The following LRRTM4 variants were observed in gnomAD, a reference collection of about 807,000 sequenced individuals.
LRRTM4 encodes the protein leucine-rich repeat transmembrane neuronal protein 4.
In LRRTM4, 25 loss-of-function variants were observed where a neutral mutation model predicts 47.6. The ratio of observed to expected loss-of-function variants is 0.53; its 90% CI spans 0.38 to 0.73. LRRTM4 has a LOEUF of 0.73. Ranked by LOEUF, LRRTM4 falls within the 30% of genes least tolerant of loss-of-function variation. The pLI is 0.00. For missense variants in LRRTM4, 638 were observed against 713.4 expected (o/e 0.89, Z 1.20); for synonymous variants, 311 against 269.5 (o/e 1.15, Z -1.51).
At chr2:77,473,171 T>A (rs1677256122) in intron 3 of LRRTM4, among the ~76,000 whole-genome samples, 1 of 152,156 alleles carries the variant, frequency 6.6e-6, no homozygotes, top group Non-Finnish European at 1.5e-5. Context: ...CCCGTCTTCC[T>A]GGATTGTCTG....
intron 3 of LRRTM4, among the ~76,000 whole-genome samples, chr2:76,846,839 A>G (rs1302663417): frequency 6.6e-6 from 1 of 152,174 alleles, no homozygotes; most frequent in Non-Finnish European, 1.5e-5. Flanking sequence ...ATAGCCCATT[A>G]TCTGGTAAGA....
chr2:76,859,139 A>G (rs1377189588), intron 3 of LRRTM4, among the ~76,000 whole-genome samples: 3 of 152,314 alleles, frequency 2.0e-5, no homozygotes, highest in Non-Finnish European at 2.9e-5. Context: ...AAAATACCAT[A>G]AAGTAGAAAG....
intron 3 of LRRTM4, among the ~76,000 whole-genome samples, chr2:77,000,341 C>T (rs960560362): frequency 1.3e-5 from 2 of 151,548 alleles, no homozygotes; most frequent in African/African-American, 4.8e-5. Context: ...ATTGTGTGGT[C>T]TTCTCCATTA....
chr2:77,183,267 G>C (rs1673401452), intron 3 of LRRTM4, among the ~76,000 whole-genome samples: 3 of 152,236 alleles, frequency 2.0e-5, no homozygotes, highest in Admixed American at 2.0e-4. Context: ...AAACGTGGGT[G>C]AAGGATATGA....
intron 3 of LRRTM4, among the ~76,000 whole-genome samples, chr2:76,807,717 G>C (rs1018643517): frequency 4.0e-5 from 6 of 149,988 alleles, no homozygotes; most frequent in Admixed American, 1.3e-4. Context: ...TCAGCCTCCC[G>C]AGTAGTTGGG....
chr2:77,152,212 T>A (rs943110707), intron 3 of LRRTM4, among the ~76,000 whole-genome samples: 2 of 152,354 alleles, frequency 1.3e-5, no homozygotes, highest in African/African-American at 4.8e-5. Context: ...GTGTGGGGCC[T>A]GCCATTTGAC....
chr2:77,089,164 C>T (rs981374375), intron 3 of LRRTM4, among the ~76,000 whole-genome samples: 1 of 151,974 alleles, frequency 6.6e-6, no homozygotes, highest in African/African-American at 2.4e-5. Flanking sequence ...GGCAAATACC[C>T]CAACCCCTTC....
rs901171780 is a variant in LRRTM4, at chr2:77,412,895, A to G, written c.1551+105423T>C. ...TCAGTTTTTTTAGTAGTAAGAGGGA[A>G]AAAATAATGCTCATTCTACTCTACA... is the stretch of plus-strand genomic sequence containing the variant. On this transcript the variant is annotated intron_variant, in intron 3 of 3. Coordinates refer to ENST00000409884, the MANE Select transcript of LRRTM4 (RefSeq NM_001134745.3). Among the ~76,000 whole-genome samples, 5 of 152,280 alleles carry G rather than the reference A, an allele frequency of 3.3e-5. No homozygotes were observed. The East Asian group carries it at 9.7e-4, about 29-fold the overall frequency.
intron 3 of LRRTM4, among the ~76,000 whole-genome samples, chr2:77,247,957 A>G (rs1358522958): frequency 1.3e-5 from 2 of 150,310 alleles, no homozygotes; most frequent in Non-Finnish European, 3.0e-5. Context: ...TATTATTAGT[A>G]TATCATTTTA....
intron 3 of LRRTM4, among the ~76,000 whole-genome samples, chr2:77,245,698 CA>C (rs1415616306): frequency 1.8e-4 from 27 of 151,912 alleles, no homozygotes; most frequent in Admixed American, 1.8e-3. Flanking sequence ...AACTAGCTCT[CA>C]ATCTAGCTTA....
intron 3 of LRRTM4, among the ~76,000 whole-genome samples, chr2:77,258,907 C>T (rs955100535): frequency 1.3e-5 from 2 of 151,356 alleles, no homozygotes; most frequent in African/African-American, 4.8e-5. Flanking sequence ...TAAAACAAAA[C>T]AAAAACAAAA....
intron 3 of LRRTM4, among the ~76,000 whole-genome samples, chr2:77,226,359 T>C (rs947820804): frequency 2.6e-5 from 4 of 151,654 alleles, no homozygotes; most frequent in African/African-American, 7.2e-5. Context: ...TTCTATTCTT[T>C]TTTACATATA....
At chr2:77,138,103 T>A (rs1418617161) in intron 3 of LRRTM4, among the ~76,000 whole-genome samples, 1 of 152,096 alleles carries the variant, frequency 6.6e-6, no homozygotes, top group Non-Finnish European at 1.5e-5. Flanking sequence ...AGGAATTGAA[T>A]TCAGCTCTGC....
intron 3 of LRRTM4, among the ~76,000 whole-genome samples, chr2:76,816,597 A>G (rs1293134429): frequency 6.6e-6 from 1 of 151,808 alleles, no homozygotes; most frequent in Non-Finnish European, 1.5e-5. Flanking sequence ...ATTTTTAAAA[A>G]AGACTCCAAT....
intron 3 of LRRTM4, among the ~76,000 whole-genome samples, chr2:77,378,156 A>T (rs1672908055): frequency 1.3e-5 from 2 of 151,992 alleles, no homozygotes; most frequent in South Asian, 2.1e-4. Context: ...TGAAATTTCA[A>T]TCTTTTTTTT....
chr2:77,428,233 T>G (rs909226161), intron 3 of LRRTM4, among the ~76,000 whole-genome samples: 8 of 152,152 alleles, frequency 5.3e-5, no homozygotes, highest in African/African-American at 1.9e-4. Context: ...TTACCTAGTC[T>G]TGGGCAGTTG....
intron 3 of LRRTM4, among the ~76,000 whole-genome samples, chr2:77,508,146 C>T (rs1265147801): frequency 6.6e-6 from 1 of 152,116 alleles, no homozygotes; most frequent in East Asian, 1.9e-4. Flanking sequence ...TGAGGAAGGA[C>T]CCTGCTATAC....
intron 3 of LRRTM4, among the ~76,000 whole-genome samples, chr2:77,449,227 C>T (rs1676164646): frequency 6.6e-6 from 1 of 152,012 alleles, no homozygotes; most frequent in Non-Finnish European, 1.5e-5. Flanking sequence ...TTAAGAAATC[C>T]AAACAACATA....
chr2:77,133,034 A>G (rs759481392), intron 3 of LRRTM4, among the ~76,000 whole-genome samples: 1 of 152,188 alleles, frequency 6.6e-6, no homozygotes, highest in African/African-American at 2.4e-5. Context: ...TCTATTTCCC[A>G]GTAAATATCT....
Sources: gnomAD v4.1 joint callset for allele counts (sites outside exome capture counted in the v4.1 genomes callset) on GRCh38, gnomAD v4.1.1 for gene constraint, MANE v1.5 for transcripts, NCBI Gene and HGNC (gene_info 2026-07-23, HGNC 2026-07-21) for gene names.